The following TMEM100 variants were observed in gnomAD, a reference collection of about 807,000 sequenced individuals.
The protein encoded by TMEM100 is transmembrane protein 100.
For synonymous variants in TMEM100, 61 were observed against 67.1 expected (o/e 0.91, Z 0.44); for missense variants, 137 against 168.2 (o/e 0.81, Z 1.02).
At chr17:55,726,562 C>A (rs1909081816), upstream of TMEM100, among the ~76,000 whole-genome samples, 1 of 152,096 alleles carries the variant, frequency 6.6e-6, no homozygotes, top group Non-Finnish European at 1.5e-5. Flanking sequence ...TCTTTATTTC[C>A]AATTTGCTTT....
chr17:55,726,841 C>T (rs1301918253), upstream of TMEM100, among the ~76,000 whole-genome samples: 4 of 152,160 alleles, frequency 2.6e-5, no homozygotes, highest in African/African-American at 4.8e-5. Flanking sequence ...TATTATTCCT[C>T]CTTTTCTTTT....
chr17:55,729,717 T>A (rs1384449581), intron 1 of TMEM100, among the ~76,000 whole-genome samples: 1 of 152,040 alleles, frequency 6.6e-6, no homozygotes, highest in Non-Finnish European at 1.5e-5. Context: ...TTGCATAGAA[T>A]AAAAAAAATT....
upstream of TMEM100, among the ~76,000 whole-genome samples, chr17:55,724,349 T>C (rs1418942113): frequency 1.3e-5 from 2 of 152,164 alleles, no homozygotes; most frequent in African/African-American, 4.8e-5. Context: ...AGTTGAAAAG[T>C]CCCTGAGGTT....
intron 1 of TMEM100, among the ~76,000 whole-genome samples, chr17:55,730,863 G>A (rs893402997): frequency 6.6e-5 from 10 of 152,098 alleles, no homozygotes; most frequent in Admixed American, 1.3e-4. Flanking sequence ...TTAAAGTCTC[G>A]TTTTGTAAAG....
Position 55,720,391 on chromosome 17 carries a change from G to A in TMEM100, c.*275C>T, listed in dbSNP as rs1403676202. On this transcript the variant is annotated 3_prime_UTR_variant, in exon 2 of 2. Transcript: ENST00000424486. Reference sequence around the variant, plus strand: ...TACTTTACAGGGTGAACCAAATACTGTCTAATGCTGTGCACTCCCATGACC... The same window carrying A: ...TACTTTACAGGGTGAACCAAATACTATCTAATGCTGTGCACTCCCATGACC... The A allele has an allele frequency of 8.9e-6, 4 of 449,432 alleles. No homozygotes were observed. Among genetic ancestry groups the A allele is most frequent in the African/African-American group, 7.8e-5 (4 of 51,178 alleles). 27.8% of individuals were successfully genotyped at this position (449,432 alleles called of 1,614,324 possible).
chr17:55,724,185 T>A (rs1193348088), upstream of TMEM100, among the ~76,000 whole-genome samples: 1 of 152,330 alleles, frequency 6.6e-6, no homozygotes, highest in East Asian at 1.9e-4. Flanking sequence ...GCTTGGATGT[T>A]CTCAAACATC....
chr17:55,729,669 T>A (rs920829704), intron 1 of TMEM100, among the ~76,000 whole-genome samples: 2 of 152,140 alleles, frequency 1.3e-5, no homozygotes, highest in African/African-American at 2.4e-5. Context: ...CTGACACACA[T>A]ACAATATATA....
chr17:55,725,963 G>A (rs1490419105), upstream of TMEM100, among the ~76,000 whole-genome samples: 1 of 152,140 alleles, frequency 6.6e-6, no homozygotes, highest in East Asian at 1.9e-4. Flanking sequence ...GTTGGAAAGT[G>A]TGTATGTAGG....
chr17:55,722,034 A>C (rs1908909477), intron 1 of TMEM100, among the ~76,000 whole-genome samples: 1 of 152,094 alleles, frequency 6.6e-6, no homozygotes, highest in Non-Finnish European at 1.5e-5. Flanking sequence ...CACAACCTTC[A>C]TTTTCCTCCA....
At chr17:55,728,067 C>T (rs1038684808) in intron 1 of TMEM100, 1 of 152,178 alleles carries the variant, frequency 6.6e-6, no homozygotes, top group Admixed American at 6.5e-5. Flanking sequence ...AACCTGGGCT[C>T]CTTCCTTCTG....
At chr17:55,725,737 G>A (rs1909052104), upstream of TMEM100, among the ~76,000 whole-genome samples, 1 of 134,898 alleles carries the variant, frequency 7.4e-6, no homozygotes, top group Non-Finnish European at 1.5e-5. Context: ...GTGTGTGTGT[G>A]TGTGTGTGTG....
Position 55,719,741 on chromosome 17 carries a change from A to G in TMEM100, c.*925T>C, listed in dbSNP as rs1199996334. Reference sequence around the variant, plus strand: ...CTTTAGAATTTAGTAAACGTAATTAAGACTATTCAGAAGTAATGAAAAACC... The same window carrying G: ...CTTTAGAATTTAGTAAACGTAATTAGGACTATTCAGAAGTAATGAAAAACC... On this transcript the variant is annotated 3_prime_UTR_variant, in exon 2 of 2. Coordinates refer to ENST00000424486, the MANE Select transcript of TMEM100 (RefSeq NM_018286.3). 1 of 152,434 alleles carries G rather than the reference A, an allele frequency of 6.6e-6. No homozygotes were observed. The highest frequency in any genetic ancestry group is 1.9e-4 in the East Asian group (1 of 5,208). The allele number at this position is 152,434 out of a possible 1,614,324, so 9.4% of individuals were successfully genotyped here.
At chr17:55,731,676 A>G (rs1909208477) in exon 1 of TMEM100, 1 of 152,160 alleles carries the variant, frequency 6.6e-6, no homozygotes, top group Admixed American at 6.6e-5. Context: ...CTGACCTTTT[A>G]CTGTGGATAG....
upstream of TMEM100, among the ~76,000 whole-genome samples, chr17:55,724,796 T>C (rs1200225441): frequency 1.3e-5 from 2 of 152,204 alleles, no homozygotes; most frequent in South Asian, 4.1e-4. Flanking sequence ...GCTTTTTTCA[T>C]AGTAAGCCCT....
chr17:55,720,501 T>C lies in TMEM100; in HGVS notation c.*165A>G. The C allele has an allele frequency of 2.3e-6, 2 of 861,474 alleles. No homozygotes were observed. The highest frequency in any genetic ancestry group is 3.5e-6 in the Non-Finnish European group (2 of 572,670). The allele number at this position is 861,474 out of a possible 1,614,324, so 53.4% of individuals were successfully genotyped here. A position where few individuals can be genotyped will look rare whatever the true frequency, so the allele number is the denominator to read the frequency against. On this transcript the variant is annotated 3_prime_UTR_variant, in exon 2 of 2. Transcript: ENST00000424486. Reference sequence around the variant, plus strand: ...GTTAAGTTTGTCGTTAAAGAAGACATGAGTCATTCCTCACAAAGGAGAAGC... The same window carrying C: ...GTTAAGTTTGTCGTTAAAGAAGACACGAGTCATTCCTCACAAAGGAGAAGC...
At chr17:55,729,747 CTT>C (rs1909157419) in intron 1 of TMEM100, among the ~76,000 whole-genome samples, 2 of 152,042 alleles carry the variant, frequency 1.3e-5, no homozygotes, top group Admixed American at 1.3e-4. Flanking sequence ...CAATTTGAGA[CTT>C]TATTTTTACT....
chr17:55,730,440 A>G (rs1055089724), intron 1 of TMEM100, among the ~76,000 whole-genome samples: 2 of 152,210 alleles, frequency 1.3e-5, no homozygotes, highest in African/African-American at 4.8e-5. Flanking sequence ...GGTGCCTAGG[A>G]CTAGAACCAA....
chr17:55,721,116 C>T lies in TMEM100; in HGVS notation c.-46G>A. The T allele has an allele frequency of 6.5e-7, 1 of 1,547,006 alleles. No homozygotes were observed. The highest frequency in any genetic ancestry group is 8.7e-7 in the Non-Finnish European group (1 of 1,148,024). ...GCTGGGTTTACAGACTAGATCTGGA[C>T]AGTCTCACCAGGGTGAAAGCTGTGA... On this transcript the variant is annotated 5_prime_UTR_variant, in exon 2 of 2. Coordinates refer to ENST00000424486, the MANE Select transcript of TMEM100 (RefSeq NM_018286.3).
upstream of TMEM100, among the ~76,000 whole-genome samples, chr17:55,723,657 G>C (rs1908980162): frequency 6.6e-6 from 1 of 152,158 alleles, no homozygotes; most frequent in Admixed American, 6.5e-5. Flanking sequence ...CAGTAACAGA[G>C]ACACCCTTGG....
Sources: gnomAD v4.1 joint callset for allele counts (sites outside exome capture counted in the v4.1 genomes callset) on GRCh38, gnomAD v4.1.1 for gene constraint, MANE v1.5 for transcripts, NCBI Gene and HGNC (gene_info 2026-07-23, HGNC 2026-07-21) for gene names.